Variants in PREX1 observed in about 807,000 individuals in gnomAD.
PREX1 encodes the protein phosphatidylinositol 3,4,5-trisphosphate-dependent Rac exchanger 1 protein.
PREX1 carries 41 observed loss-of-function variants against 198.3 expected under a neutral mutation model. That is an observed-to-expected ratio of 0.21 (90% CI 0.16 to 0.27). PREX1 has a LOEUF of 0.27. Among genes scored for constraint, PREX1 ranks in the 10% least tolerant of loss-of-function variants. The pLI is 1.00. For synonymous variants in PREX1, 843 were observed against 887.2 expected (o/e 0.95, Z 0.89); for missense variants, 1,620 against 2,200.7 (o/e 0.74, Z 5.28).
At chr20:48,876,062 C>G in the PREX1 span, among the ~76,000 whole-genome samples, 1 of 152,126 alleles carries the variant, frequency 6.6e-6, no homozygotes, top group Non-Finnish European at 1.5e-5. Flanking sequence ...CTCCTGTGCT[C>G]TCTCACCCCA....
At chr20:48,765,527 T>C (rs1166700558) in intron 1 of PREX1, among the ~76,000 whole-genome samples, 1 of 152,120 alleles carries the variant, frequency 6.6e-6, no homozygotes, top group Non-Finnish European at 1.5e-5. Context: ...ACATATTAAG[T>C]GCTTACTGCA....
chr20:48,661,297 TA>T (rs2089588913), intron 15 of PREX1, among the ~76,000 whole-genome samples: 1 of 150,050 alleles, frequency 6.7e-6, no homozygotes, highest in South Asian at 2.1e-4. Flanking sequence ...CGCATGCCTG[TA>T]ATCCCAGCTA....
chr20:48,788,317 G>A (rs2090322470), intron 1 of PREX1, among the ~76,000 whole-genome samples: 1 of 152,172 alleles, frequency 6.6e-6, no homozygotes, highest in African/African-American at 2.4e-5. Context: ...ATGTCCTTCA[G>A]AAATCTCAGT....
the PREX1 span, among the ~76,000 whole-genome samples, chr20:48,887,750 T>C: frequency 2.6e-5 from 4 of 152,202 alleles, no homozygotes; most frequent in South Asian, 2.1e-4. Flanking sequence ...ATGGAGACCA[T>C]CCTGGCTAAC....
At chr20:48,882,757 C>G in the PREX1 span, among the ~76,000 whole-genome samples, 1 of 151,962 alleles carries the variant, frequency 6.6e-6, no homozygotes, top group African/African-American at 2.4e-5. Flanking sequence ...TATTATCTGT[C>G]TTTTATTTTA....
At chr20:48,627,261 C>A (rs538081417) in intron 39 of PREX1, among the ~76,000 whole-genome samples, 2 of 151,448 alleles carry the variant, frequency 1.3e-5, no homozygotes, top group Non-Finnish European at 2.9e-5. Flanking sequence ...GGGGCGGGGG[C>A]TCAGGGCTGA....
At chr20:48,772,966 T>C (rs1372000250) in intron 1 of PREX1, among the ~76,000 whole-genome samples, 2 of 152,122 alleles carry the variant, frequency 1.3e-5, no homozygotes, top group East Asian at 3.9e-4. Context: ...CAGTAGGTGC[T>C]CAAGAAATGT....
Position 48,699,608 on chromosome 20 carries a change from A to T in PREX1, c.917+1145T>A, listed in dbSNP as rs369514673. On this transcript the variant is annotated intron_variant, in intron 7 of 39. Coordinates refer to ENST00000371941, the MANE Select transcript of PREX1 (RefSeq NM_020820.4). ...CTCCCAGAGCCCAACCACTTCGGCA[A>T]CTATCAACCAACCACTTACCCATCC... 1.5e-4 allele frequency among the ~76,000 whole-genome samples: 23 copies of T among 152,254 alleles called. No homozygotes were observed. The East Asian group carries it at 2.7e-3, about 18-fold the overall frequency.
intron 36 of PREX1, 114 bp downstream of exon 36, chr20:48,630,614 G>C: frequency 4.5e-6 from 4 of 888,186 alleles, no homozygotes; most frequent in Non-Finnish European, 5.3e-6. Flanking sequence ...GGGTCTCAAG[G>C]GCTTTGGGGC....
At chr20:48,700,704 C>G (rs2089869190) in intron 7 of PREX1, 49 bp downstream of exon 7, 1 of 1,604,878 alleles carries the variant, frequency 6.2e-7, no homozygotes, top group Non-Finnish European at 8.5e-7. Context: ...AAGGCATCAC[C>G]TGGAGAAGGC....
intron 6 of PREX1, among the ~76,000 whole-genome samples, chr20:48,701,632 G>A (rs1035406781): frequency 6.6e-5 from 10 of 151,966 alleles, no homozygotes; most frequent in East Asian, 3.9e-4. Flanking sequence ...GACAGGGCCC[G>A]AATCAACTAT....
intron 5 of PREX1, among the ~76,000 whole-genome samples, chr20:48,718,549 T>C (rs543662037): frequency 6.6e-6 from 1 of 152,188 alleles, no homozygotes; most frequent in Non-Finnish European, 1.5e-5. Flanking sequence ...AATATATTAA[T>C]AAACACAATA....
chr20:48,772,149 G>A (rs767984108), intron 1 of PREX1, among the ~76,000 whole-genome samples: 3 of 152,122 alleles, frequency 2.0e-5, no homozygotes, highest in Non-Finnish European at 2.9e-5. Flanking sequence ...AGCTGAGATC[G>A]AGCCACTGCA....
chr20:48,682,007 C>A (rs1401161307), intron 10 of PREX1, among the ~76,000 whole-genome samples: 1 of 152,096 alleles, frequency 6.6e-6, no homozygotes, highest in African/African-American at 2.4e-5. Flanking sequence ...CAAAACCCTC[C>A]CACAGGCTTA....
chr20:48,771,926 G>C (rs2090237891), intron 1 of PREX1, among the ~76,000 whole-genome samples: 1 of 152,218 alleles, frequency 6.6e-6, no homozygotes, highest in Non-Finnish European at 1.5e-5. Context: ...GGGCGCGGTG[G>C]CTCCCATCTA....
At position 48,725,377 on chromosome 20, in the gene PREX1, G is replaced by A. The variant is rs372350854; in HGVS notation, c.621+913C>T. Among the ~76,000 whole-genome samples, 4 of 152,356 alleles carry A rather than the reference G, an allele frequency of 2.6e-5. No individual in the cohort carries two copies. In the South Asian group the frequency reaches 8.3e-4, roughly 32 times the overall value. ...GCTGAGAGCAGTGGAAGGCGGAAGA[G>A]CCGTCCCCTGGGCTCAGGATCTGTC... On this transcript the variant is annotated intron_variant, in intron 5 of 39. Coordinates refer to ENST00000371941, the MANE Select transcript of PREX1 (RefSeq NM_020820.4).
intron 15 of PREX1, among the ~76,000 whole-genome samples, chr20:48,663,810 C>G (rs761592384): frequency 5.9e-5 from 9 of 152,204 alleles, no homozygotes; most frequent in Non-Finnish European, 1.3e-4. Context: ...ATCCTCCTTC[C>G]CCTGGACTAT....
chr20:48,673,195 C>T (rs748439586), intron 14 of PREX1, among the ~76,000 whole-genome samples: 9 of 152,224 alleles, frequency 5.9e-5, no homozygotes, highest in Non-Finnish European at 1.2e-4. Context: ...TGCCCATCCG[C>T]TGGAAAGCCC....
intron 39 of PREX1, 113 bp from the exon 40 acceptor site, chr20:48,626,040 G>T: frequency 8.5e-7 from 1 of 1,179,490 alleles, no homozygotes; most frequent in Non-Finnish European, 1.2e-6. Context: ...CAAACTCACA[G>T]GTATATAAAA....
Sources: gnomAD v4.1 joint callset for allele counts (sites outside exome capture counted in the v4.1 genomes callset) on GRCh38, gnomAD v4.1.1 for gene constraint, MANE v1.5 for transcripts, NCBI Gene and HGNC (gene_info 2026-07-23, HGNC 2026-07-21) for gene names.